The following GRHL1 variants were observed in gnomAD, a reference collection of about 807,000 sequenced individuals.
GRHL1 encodes the protein grainyhead-like protein 1 homolog.
GRHL1 carries 38 observed loss-of-function variants against 75.7 expected under a neutral mutation model. The observed-to-expected ratio is 0.50, with a 90% confidence interval of 0.39 to 0.66. The LOEUF (loss-of-function observed/expected upper bound fraction) is 0.66, where lower values mean the gene tolerates loss of function less well. GRHL1 is among the 30% of genes least tolerant of loss of function. The pLI is 0.00. For missense variants in GRHL1, 589 were observed against 767.5 expected (o/e 0.77, Z 2.75); for synonymous variants, 266 against 279.4 (o/e 0.95, Z 0.48).
chr2:10,000,951 A>T lies in GRHL1; in HGVS notation c.*244A>T. On this transcript the variant is annotated 3_prime_UTR_variant, in exon 16 of 16. Transcript: ENST00000324907. ...ATTATGTTTGAATTTCCTGATATAT[A>T]CAGGATTTAAAGTGAAAACTTTATT... 2 of 329,872 alleles carry T rather than the reference A, an allele frequency of 6.1e-6. No homozygotes were observed. The highest frequency in any genetic ancestry group is 1.1e-5 in the Non-Finnish European group (2 of 182,468). 20.4% of individuals were successfully genotyped at this position (329,872 alleles called of 1,614,324 possible).
intron 8 of GRHL1, 70 bp downstream of exon 8, chr2:9,965,451 A>G (rs1572345494): frequency 2.4e-6 from 2 of 834,018 alleles, no homozygotes; most frequent in South Asian, 1.5e-5. Flanking sequence ...TGATTTGACA[A>G]CTGATTTTTT....
intron 14 of GRHL1, among the ~76,000 whole-genome samples, chr2:9,998,582 G>GTGTACACATATATATA: frequency 2.5e-5 from 1 of 39,248 alleles, no homozygotes; most frequent in Non-Finnish European, 4.6e-5. Context: ...ATATACATAT[G>GTGTACACATATATATA]TACATATATA....
At chr2:9,964,421 A>G in intron 7 of GRHL1, 75 bp downstream of exon 7, 1 of 788,510 alleles carries the variant, frequency 1.3e-6, no homozygotes, top group Non-Finnish European at 2.1e-6. Flanking sequence ...TATTTTTGGC[A>G]GTGATCAGCT....
chr2:9,975,138 G>T (rs1423905959), intron 8 of GRHL1, among the ~76,000 whole-genome samples: 1 of 152,188 alleles, frequency 6.6e-6, no homozygotes, highest in Non-Finnish European at 1.5e-5. Context: ...GGCCTGTGTA[G>T]TACAGAAGCA....
rs757449485 is a variant in GRHL1 at position 9,955,050 on chromosome 2, T to C, written c.156T>C (p.Asn52=). The change falls in exon 2 of 16, where the codon AAT becomes AAC. Residue 52 remains asparagine, a synonymous_variant. Transcript: ENST00000324907. ...TAATKAMMSI[N]GDEDSAAALG... is the part of the protein sequence containing the mutation. The stretch of plus-strand genomic sequence containing the variant: ...CGACCAAAGCGATGATGAGCATCAA[T>C]GGAGATGAAGACAGCGCCGCTGCGC... The C allele has an allele frequency of 5.0e-6, 8 of 1,613,868 alleles. No individual in the cohort carries two copies. The highest frequency in any genetic ancestry group is 4.4e-5 in the South Asian group (4 of 91,078).
At chr2:9,984,031 GTAATCCTGGC>G (rs1668311894) in intron 8 of GRHL1, among the ~76,000 whole-genome samples, 1 of 152,068 alleles carries the variant, frequency 6.6e-6, no homozygotes, top group Non-Finnish European at 1.5e-5. Context: ...GTGCAAGCCT[GTAATCCTGGC>G]TACCCAGGAG....
At chr2:9,970,634 T>C (rs1033363775) in intron 8 of GRHL1, among the ~76,000 whole-genome samples, 1 of 152,200 alleles carries the variant, frequency 6.6e-6, no homozygotes, top group Non-Finnish European at 1.5e-5. Context: ...GTCCATTTTT[T>C]CCCTTCAGTG....
At chr2:9,974,013 G>A (rs990625406) in intron 8 of GRHL1, among the ~76,000 whole-genome samples, 2 of 152,178 alleles carry the variant, frequency 1.3e-5, no homozygotes, top group Non-Finnish European at 2.9e-5. Flanking sequence ...GCTCAGAACC[G>A]TTTGGGGTTC....
chr2:9,965,179 G>A, intron 7 of GRHL1, 108 bp from the exon 8 acceptor site: 1 of 655,532 alleles, frequency 1.5e-6, no homozygotes, highest in Admixed American at 2.4e-5. Flanking sequence ...AATTTAAATT[G>A]TCCAGAGGTG....
intron 1 of GRHL1, among the ~76,000 whole-genome samples, chr2:9,952,254 T>G (rs1006914353): frequency 6.6e-6 from 1 of 152,210 alleles, no homozygotes. Context: ...CTCGGGAGCC[T>G]GGTGGGGCTC....
Position 9,965,324 on chromosome 2 carries a change from C to T in GRHL1, c.1053C>T (p.Ile351=), listed in dbSNP as rs367582209. The T allele has an allele frequency of 1.6e-5, 25 of 1,611,300 alleles. No homozygotes were observed. The highest frequency in any genetic ancestry group is 6.7e-5 in the Admixed American group (4 of 60,006). ...AAAGCTTCAACACTATCAGTAACAT[C>T]GAGGAGATTGCGTATAACGCCATTT... is the stretch of plus-strand genomic sequence containing the variant. ...YKESFNTISN[I]EEIAYNAISF... Residue 351 remains isoleucine, a synonymous_variant, in exon 8 of 16, where the codon ATC becomes ATT. Coordinates refer to ENST00000324907, the MANE Select transcript of GRHL1 (RefSeq NM_198182.3).
In GRHL1 at chr2:9,965,456, T is replaced by G; in HGVS notation, c.1110+75T>G. ...AGGAGTTTAATGATTTGACAACTGA[T>G]TTTTTTTTTTTTCACAGTTTTATGT... On this transcript the variant is annotated intron_variant, in intron 8 of 15. Coordinates refer to ENST00000324907, the MANE Select transcript of GRHL1 (RefSeq NM_198182.3). 5 of 330,258 alleles carry G rather than the reference T, an allele frequency of 1.5e-5. No homozygotes were observed. The South Asian group carries it at 2.1e-4, about 14-fold the overall frequency. 20.5% of individuals were successfully genotyped at this position (330,258 alleles called of 1,614,324 possible). A position where few individuals can be genotyped will look rare whatever the true frequency, so the allele number is the denominator to read the frequency against.
Position 9,951,905 on chromosome 2 carries a change from C to G in GRHL1, c.20+52C>G. ...CCGCGGGGGGGCCGCGCTGAGGGGC[C>G]GCACCTGCAGCGAGCGAGCCGGGCG... On this transcript the variant is annotated intron_variant, in intron 1 of 15. Transcript: ENST00000324907. The surrounding 1 kb of genome is among the most constrained non-coding windows in gnomAD (Gnocchi z 4.2). 3.5e-5 allele frequency: 46 copies of G among 1,323,988 alleles called. No homozygotes were observed. The highest frequency in any genetic ancestry group is 4.6e-5 in the Non-Finnish European group (46 of 1,010,678). The allele number at this position is 1,323,988 out of a possible 1,614,324, so 82.0% of individuals were successfully genotyped here.
At chr2:9,981,635 G>A (rs1156968186) in intron 8 of GRHL1, among the ~76,000 whole-genome samples, 1 of 152,174 alleles carries the variant, frequency 6.6e-6, no homozygotes. Context: ...AAATAATGTC[G>A]GGCCCTTTAC....
rs1042631908 is a variant in GRHL1 at position 9,992,924 on chromosome 2, C to T, written c.1462-283C>T. On this transcript the variant is annotated intron_variant, in intron 11 of 15. Coordinates refer to ENST00000324907, the MANE Select transcript of GRHL1 (RefSeq NM_198182.3). This position sits in a 1 kb window ranked among gnomAD's most constrained non-coding sequence, Gnocchi z 4.6. ...TCTCCACTGTGCTGCTCAGTGCTGCCGAACTAGTGCACACATGGCCATAAG... is the reference window on the plus strand; with the variant it reads ...TCTCCACTGTGCTGCTCAGTGCTGCTGAACTAGTGCACACATGGCCATAAG... Among the ~76,000 whole-genome samples, 3 of 152,082 alleles carry T rather than the reference C, an allele frequency of 2.0e-5. No homozygotes were observed. The highest frequency in any genetic ancestry group is 2.1e-4 in the South Asian group (1 of 4,816).
rs1491434594 is a variant in GRHL1, at chr2:9,998,425, T to TGC, written c.1678-539_1678-538insCG. On this transcript the variant is annotated intron_variant, in intron 14 of 15. Transcript: ENST00000324907. ...AAACAAAAAGTCGAGTGACTATGCA[T>TGC]GTGTGTGTGTGTGTGTGTGTGTGTA... Among the ~76,000 whole-genome samples, 200 of 55,570 alleles carry TGC rather than the reference T, an allele frequency of 3.6e-3. 9 individuals carry two copies. The highest frequency in any genetic ancestry group is 0.015 in the African/African-American group (187 of 12,654). The allele number at this position is 55,570 out of a possible 152,430, so 36.5% of individuals were successfully genotyped here. A position where few individuals can be genotyped will look rare whatever the true frequency, so the allele number is the denominator to read the frequency against.
chr2:9,994,698 T>A lies in GRHL1; in HGVS notation c.1500-1181T>A, dbSNP rs533846785. ...GTCTCGGAGGCTCAGCCCCTGCTCC[T>A]GAAGTGGCCATTCTGCTCCAAATCC... On this transcript the variant is annotated intron_variant, in intron 12 of 15. Coordinates refer to ENST00000324907, the MANE Select transcript of GRHL1 (RefSeq NM_198182.3). Among the ~76,000 whole-genome samples, 43 of 152,302 alleles carry A rather than the reference T, an allele frequency of 2.8e-4. No individual in the cohort carries two copies. In the East Asian group the frequency reaches 8.1e-3, roughly 29 times the overall value.
chr2:9,958,587 A>G (rs1667138976), intron 2 of GRHL1, among the ~76,000 whole-genome samples, 199 bp from the exon 3 acceptor site: 1 of 152,106 alleles, frequency 6.6e-6, no homozygotes, highest in African/African-American at 2.4e-5. Flanking sequence ...CTTTTTACAT[A>G]TCAACCAGAT....
In GRHL1 at chr2:9,951,728, C is replaced by T; in HGVS notation, c.-106C>T. 4.6e-6 allele frequency: 5 copies of T among 1,093,148 alleles called. No homozygotes were observed. The highest frequency in any genetic ancestry group is 6.4e-6 in the Non-Finnish European group (5 of 775,748). 67.7% of individuals were successfully genotyped at this position (1,093,148 alleles called of 1,614,324 possible). ...AAGCAAACCCAACCCGTCGGGGCCG[C>T]CGCTCCGGACCCGCAGCCGCCGCCG... On this transcript the variant is annotated 5_prime_UTR_variant, in exon 1 of 16. Coordinates refer to ENST00000324907, the MANE Select transcript of GRHL1 (RefSeq NM_198182.3). The surrounding 1 kb of genome is among the most constrained non-coding windows in gnomAD (Gnocchi z 4.2).
Sources: gnomAD v4.1 joint callset for allele counts (sites outside exome capture counted in the v4.1 genomes callset) on GRCh38, gnomAD v4.1.1 for gene constraint, Gnocchi (gnomAD v3.1) non-coding constraint, MANE v1.5 for transcripts, NCBI Gene and HGNC (gene_info 2026-07-23, HGNC 2026-07-21) for gene names.